ZNF512: variants seen among roughly 807,000 people sequenced by gnomAD.
ZNF512 encodes zinc finger protein 512.
A neutral mutation model predicts 77.5 loss-of-function variants in ZNF512; 25 were observed. The ratio of observed to expected loss-of-function variants is 0.32; its 90% confidence interval spans 0.23 to 0.45. ZNF512 has a LOEUF of 0.45. ZNF512 is among the 20% of genes least tolerant of loss of function. The pLI is 1.00. For synonymous variants in ZNF512, 246 were observed against 239.9 expected (o/e 1.03, Z -0.24); for missense variants, 483 against 692.6 (o/e 0.70, Z 3.40).
intron 10 of ZNF512, among the ~76,000 whole-genome samples, chr2:27,611,134 T>TAG (rs1672642162): frequency 1.3e-5 from 2 of 152,188 alleles, no homozygotes; most frequent in African/African-American, 2.4e-5. Flanking sequence ...AAACTTTTAA[T>TAG]TTTGAAATAA....
At position 27,616,223 on chromosome 2, in the gene ZNF512, A is replaced by G. The variant is rs1672872834; in HGVS notation, c.1234-39A>G. ...GCCAGATTGTTCAGAGAAGGGAGCTATTTGGCATAGTCTTCATACTATTTC... is the reference window on the plus strand; with the variant it reads ...GCCAGATTGTTCAGAGAAGGGAGCTGTTTGGCATAGTCTTCATACTATTTC... On this transcript the variant is annotated intron_variant, in intron 11 of 13. Transcript: ENST00000355467. 3 of 1,518,228 alleles carry G rather than the reference A, an allele frequency of 2.0e-6. 1 individual carries two copies. In the African/African-American group the frequency reaches 4.1e-5, roughly 21 times the overall value. The allele number at this position is 1,518,228 out of a possible 1,614,324, so 94.0% of individuals were successfully genotyped here.
At chr2:27,603,590 ATT>A (rs757868678) in intron 9 of ZNF512, among the ~76,000 whole-genome samples, 3 of 85,670 alleles carry the variant, frequency 3.5e-5, no homozygotes, top group African/African-American at 9.6e-5. Flanking sequence ...GTGTGTGTAT[ATT>A]TTTTTTTTTT....
At chr2:27,594,413 A>G (rs1671750903) in intron 2 of ZNF512, among the ~76,000 whole-genome samples, 1 of 135,880 alleles carries the variant, frequency 7.4e-6, no homozygotes, top group Admixed American at 7.4e-5. Flanking sequence ...CACCTCCCAG[A>G]CGGGGTGGCG....
intron 13 of ZNF512, 69 bp downstream of exon 13, chr2:27,617,640 T>A: frequency 1.3e-6 from 1 of 768,634 alleles, no homozygotes; most frequent in Non-Finnish European, 2.4e-6. Context: ...TCCCTATTGT[T>A]ATGGACTAAG....
chr2:27,600,616 C>G lies in ZNF512; in HGVS notation c.458-75C>G. ...GAAAAACCATTTTATGATACTTTTC[C>G]TAAATCGTGGGATTATGCTTTTTGT... is the stretch of plus-strand genomic sequence containing the variant. On this transcript the variant is annotated intron_variant, in intron 5 of 13. Transcript: ENST00000355467. The G allele has an allele frequency of 3.3e-6, 5 of 1,534,992 alleles. No individual in the cohort carries two copies. In the Admixed American group the frequency reaches 6.3e-5, roughly 19 times the overall value.
chr2:27,583,499 A>G, intron 1 of ZNF512, 159 bp from the exon 2 acceptor site: 1 of 1,494,738 alleles, frequency 6.7e-7, no homozygotes, highest in Non-Finnish European at 8.9e-7. Context: ...CACTGCTGGA[A>G]GATAGGACAG....
chr2:27,615,189 C>T lies in ZNF512; in HGVS notation c.1153C>T (p.Leu385Phe), dbSNP rs747914184. 1 of 1,603,336 alleles carries T rather than the reference C, an allele frequency of 6.2e-7. No individual in the cohort carries two copies. Among genetic ancestry groups the T allele is most frequent in the Non-Finnish European group, 8.5e-7 (1 of 1,173,604 alleles). The change falls in exon 11 of 14, where the codon CTC becomes TTC. Residue 385 changes from leucine (L) to phenylalanine (F), a missense_variant. Leu to Phe is a conservative substitution (Grantham distance 22, BLOSUM62 0). This residue lies in a region of ZNF512 where 324 missense variants were observed against 525.0 expected (regional missense o/e 0.62). Transcript: ENST00000355467. ...GTAGTTAAAATATACTCGTCCAGGG[C>T]TCCCTACCTTCAGCCAGGAAGTACT... ...DRKLKYTRPG[L>F]PTFSQEVLHK...
chr2:27,596,328 C>T (rs1671868355), intron 2 of ZNF512, among the ~76,000 whole-genome samples: 1 of 152,158 alleles, frequency 6.6e-6, no homozygotes, highest in Non-Finnish European at 1.5e-5. Flanking sequence ...GGGTATATGC[C>T]ACACATTCAT....
In ZNF512 at chr2:27,622,148, C is replaced by T. The variant is rs374850893; in HGVS notation, c.*687C>T. On this transcript the variant is annotated 3_prime_UTR_variant, in exon 14 of 14. Transcript: ENST00000355467. ...AAAGCAACCTTAGGAGTAAAGTGAC[C>T]CAAACATTAAAATGACAGGAAAGAG... 2 of 152,236 alleles carry T rather than the reference C, an allele frequency of 1.3e-5. No individual in the cohort carries two copies. The highest frequency in any genetic ancestry group is 4.8e-5 in the African/African-American group (2 of 41,388). 9.4% of individuals were successfully genotyped at this position (152,236 alleles called of 1,614,324 possible).
intron 10 of ZNF512, among the ~76,000 whole-genome samples, chr2:27,614,109 C>G (rs1026934643): frequency 6.6e-6 from 1 of 152,164 alleles, no homozygotes; most frequent in Non-Finnish European, 1.5e-5. Flanking sequence ...GGCTACCTTC[C>G]TTACTTCCTC....
At chr2:27,591,000 T>C (rs1671549177) in intron 2 of ZNF512, among the ~76,000 whole-genome samples, 1 of 151,088 alleles carries the variant, frequency 6.6e-6, no homozygotes, top group Admixed American at 6.5e-5. Flanking sequence ...AGTTGACAAA[T>C]TTTTTCTCTC....
intron 2 of ZNF512, among the ~76,000 whole-genome samples, chr2:27,592,786 A>G (rs1390943206): frequency 6.9e-6 from 1 of 145,108 alleles, no homozygotes; most frequent in Non-Finnish European, 1.5e-5. Flanking sequence ...CCCAGGTGCA[A>G]GCGATTCTTC....
chr2:27,617,310 A>T (rs546441795), intron 12 of ZNF512, 163 bp from the exon 13 acceptor site: 1 of 588,976 alleles, frequency 1.7e-6, no homozygotes, highest in East Asian at 2.8e-5. Context: ...ATAATCATCC[A>T]TCCAAGCTGG....
At chr2:27,613,646 G>A (rs1350971203) in intron 10 of ZNF512, among the ~76,000 whole-genome samples, 3 of 152,084 alleles carry the variant, frequency 2.0e-5, no homozygotes, top group Non-Finnish European at 4.4e-5. Context: ...GTGGTCTTCT[G>A]TATAGATGGG....
intron 12 of ZNF512, 68 bp from the exon 13 acceptor site, chr2:27,617,405 C>G (rs1463660280): frequency 1.3e-6 from 1 of 767,702 alleles, no homozygotes; most frequent in East Asian, 2.4e-5. Flanking sequence ...TCTAACAATC[C>G]CTACACATAG....
chr2:27,602,397 A>T (rs953341257), intron 7 of ZNF512, 66 bp from the exon 8 acceptor site: 1 of 1,492,724 alleles, frequency 6.7e-7, no homozygotes, highest in Non-Finnish European at 9.1e-7. Context: ...CTCCTCTGAT[A>T]TTTTTTTTCC....
chr2:27,604,090 C>T (rs1030553713), intron 9 of ZNF512, among the ~76,000 whole-genome samples: 2 of 151,940 alleles, frequency 1.3e-5, no homozygotes, highest in Non-Finnish European at 2.9e-5. Context: ...CCACGCCCAG[C>T]TAATTTTTGT....
Position 27,602,569 on chromosome 2 carries a change from C to G in ZNF512, c.768+8C>G. 6.2e-7 allele frequency: 1 copy of G among 1,602,504 alleles called. No homozygotes were observed. Among genetic ancestry groups the G allele is most frequent in the Non-Finnish European group, 8.5e-7 (1 of 1,176,532 alleles). On this transcript the variant is annotated splice_region_variant and intron_variant, in intron 8 of 13. Transcript: ENST00000355467. The stretch of plus-strand genomic sequence containing the variant: ...CTCAGGTGCATGCGTGAGGTAAGGG[C>G]CCAAGGACAGCAATTCCTTCTGCCT...
intron 7 of ZNF512, 115 bp downstream of exon 7, chr2:27,601,557 C>T (rs1308189194): frequency 1.5e-5 from 12 of 797,058 alleles, no homozygotes; most frequent in Non-Finnish European, 2.4e-5. Context: ...TTACTGCAAC[C>T]TCCACCTCCT....
Sources: gnomAD v4.1 joint callset for allele counts (sites outside exome capture counted in the v4.1 genomes callset) on GRCh38, gnomAD v4.1.1 for gene constraint, gnomAD v4.1.1 regional missense constraint, MANE v1.5 for transcripts, NCBI Gene and HGNC (gene_info 2026-07-23, HGNC 2026-07-21) for gene names.